ADGRL4: variants seen among roughly 807,000 people sequenced by gnomAD.
ADGRL4 encodes EGF, latrophilin and seven transmembrane domain containing 1.
A neutral mutation model predicts 74.8 loss-of-function variants in ADGRL4; 90 were observed. That is an observed-to-expected ratio of 1.20 (90% CI 1.02 to 1.43). ADGRL4 has a LOEUF of 1.43. Ranked by LOEUF, ADGRL4 falls within the 40% of genes most tolerant of loss-of-function variation. The pLI is 0.00. For missense variants in ADGRL4, 881 were observed against 814.3 expected, an observed-to-expected ratio of 1.08 and a Z score of -1.00; for synonymous variants, 311 against 279.2, an observed-to-expected ratio of 1.11 and a Z score of -1.14.
Position 78,927,024 on chromosome 1 carries a change from G to GC in ADGRL4, c.944_945insG (p.Phe315LeufsTer9). On this transcript the variant is annotated frameshift_variant, in exon 8 of 15. Transcript: ENST00000370742. LOFTEE classifies it high-confidence loss of function. ...TATCATAATTTTGAGGTTTCAATAA[G>GC]AAGTTGTCAGATGATGAAAGCAAAG... 6.2e-7 allele frequency: 1 copy of GC among 1,610,228 alleles called. No individual in the cohort carries two copies. Among genetic ancestry groups the GC allele is most frequent in the Non-Finnish European group, 8.5e-7 (1 of 1,177,394 alleles).
At chr1:79,001,421 A>AG in intron 2 of ADGRL4, among the ~76,000 whole-genome samples, 1 of 151,268 alleles carries the variant, frequency 6.6e-6, no homozygotes, top group African/African-American at 2.4e-5. Flanking sequence ...GCTTAAGACA[A>AG]AAAAGAAAGA....
rs77039476 is a variant in ADGRL4, at chr1:79,004,267, TTCTCTC to T, written c.172+797_172+802del. ...AACTAATTTGTATGACCTAGTACTT[TTCTCTC>T]TCTCTCTCTCTCTTCTACACAGGAC... On this transcript the variant is annotated intron_variant, in intron 2 of 14. Transcript: ENST00000370742. 8.0e-5 allele frequency among the ~76,000 whole-genome samples: 12 copies of T among 150,446 alleles called. No individual in the cohort carries two copies. In the South Asian group the frequency reaches 2.5e-3, roughly 32 times the overall value.
chr1:78,989,738 A>G (rs939067989), intron 2 of ADGRL4, among the ~76,000 whole-genome samples: 4 of 151,944 alleles, frequency 2.6e-5, no homozygotes, highest in Admixed American at 2.6e-4. Context: ...ATCAAAAACA[A>G]TTTTGTCAAA....
rs183719749 is a variant in ADGRL4, at chr1:78,933,568, A to C, written c.877+2727T>G. 2.8e-4 allele frequency among the ~76,000 whole-genome samples: 43 copies of C among 151,528 alleles called. No individual in the cohort carries two copies. In the East Asian group the frequency reaches 6.9e-3, roughly 24 times the overall value. On this transcript the variant is annotated intron_variant, in intron 7 of 14. Transcript: ENST00000370742. ...CACTCTTATTCAATGTAGTATTGGG[A>C]GTTCTGGCCAGGGCAATCAGGCAAG...
intron 2 of ADGRL4, among the ~76,000 whole-genome samples, chr1:78,959,623 G>C (rs866695280): frequency 1.3e-5 from 2 of 152,116 alleles, no homozygotes; most frequent in African/African-American, 4.8e-5. Flanking sequence ...TCATAATCTT[G>C]TTTTCTTTTT....
intron 7 of ADGRL4, among the ~76,000 whole-genome samples, chr1:78,931,154 G>A (rs1649233694): frequency 1.3e-5 from 2 of 151,062 alleles, no homozygotes; most frequent in African/African-American, 4.9e-5. Flanking sequence ...CCAAAATTAA[G>A]GAAAAAATGT....
intron 2 of ADGRL4, among the ~76,000 whole-genome samples, chr1:78,969,979 G>A (rs2100716425): frequency 6.6e-6 from 1 of 152,204 alleles, no homozygotes; most frequent in East Asian, 1.9e-4. Context: ...CTCACCACTT[G>A]GAGGTTTCCT....
chr1:78,926,390 G>A (rs573157860), intron 8 of ADGRL4, among the ~76,000 whole-genome samples: 17 of 152,078 alleles, frequency 1.1e-4, no homozygotes, highest in Admixed American at 6.6e-4. Context: ...TCTGAAAAAT[G>A]ATTTAGAATA....
chr1:78,961,670 G>GCAGGACAT (rs1308096412), intron 2 of ADGRL4, among the ~76,000 whole-genome samples: 1 of 152,092 alleles, frequency 6.6e-6, no homozygotes, highest in African/African-American at 2.4e-5. Flanking sequence ...CAGTCTTGCA[G>GCAGGACAT]CAGGACATCA....
Position 79,001,154 on chromosome 1 carries a change from AGAAG to A in ADGRL4, c.172+3912_172+3915del, listed in dbSNP as rs796668127. Among the ~76,000 whole-genome samples the A allele has an allele frequency of 5.7e-3, 549 of 96,080 alleles. 6 individuals are homozygous for A. Among genetic ancestry groups the A allele is most frequent in the African/African-American group, 0.022 (515 of 23,454 alleles). The allele number at this position is 96,080 out of a possible 152,430, so 63.0% of individuals were successfully genotyped here. ...AAGGAAGGGAAGGAGGAAGGAAGAC[AGAAG>A]GAAGGAAGGAAGGGAGAGGGGGGGG... On this transcript the variant is annotated intron_variant, in intron 2 of 14. Transcript: ENST00000370742.
Position 78,891,623 on chromosome 1 carries a change from A to G in ADGRL4, c.1911T>C (p.His637=), listed in dbSNP as rs2100647215. 1.9e-6 allele frequency: 3 copies of G among 1,613,502 alleles called. No homozygotes were observed. Among genetic ancestry groups the G allele is most frequent in the South Asian group, 1.1e-5 (1 of 91,054 alleles). ...CTGTAACCACTGATGCGTGCACAAC[A>G]TGGAGAACCCCAAAGATCCAGGTGG... ...LGTTWIFGVL[H]VVHASVVTAY... is the part of the protein sequence containing the mutation. Residue 637 remains histidine (H), a synonymous_variant, in exon 14 of 15, where the codon CAT becomes CAC. Transcript: ENST00000370742.
chr1:78,967,918 C>CA (rs1422753985), intron 2 of ADGRL4, among the ~76,000 whole-genome samples: 1 of 148,366 alleles, frequency 6.7e-6, no homozygotes, highest in Non-Finnish European at 1.5e-5. Context: ...ACAGCCTTCC[C>CA]AAAATCAAAC....
rs1457296027 is a variant in ADGRL4, at chr1:78,956,482, TG to T, written c.173-10057del. On this transcript the variant is annotated intron_variant, in intron 2 of 14. Transcript: ENST00000370742. ...TCTTGCCATCATACTGATTAGTATG[TG>T]AAAAACAGTATTTGTCTAGTGTTCA... is the stretch of plus-strand genomic sequence containing the variant. 7.9e-5 allele frequency among the ~76,000 whole-genome samples: 12 copies of T among 152,308 alleles called. No homozygotes were observed. In the South Asian group the frequency reaches 2.1e-3, roughly 26 times the overall value.
At chr1:78,896,065 C>G (rs1007836686) in intron 12 of ADGRL4, among the ~76,000 whole-genome samples, 4 of 151,858 alleles carry the variant, frequency 2.6e-5, no homozygotes, top group Admixed American at 1.3e-4. Flanking sequence ...AATCATTGAA[C>G]CTATTTATGT....
At chr1:78,945,836 T>A (rs1243539301) in intron 3 of ADGRL4, among the ~76,000 whole-genome samples, 3 of 152,158 alleles carry the variant, frequency 2.0e-5, no homozygotes, top group Non-Finnish European at 2.9e-5. Flanking sequence ...CTAGAACAAT[T>A]ATTTTATAAA....
At chr1:78,985,855 C>T (rs377475237) in intron 2 of ADGRL4, among the ~76,000 whole-genome samples, 101 of 151,690 alleles carry the variant, frequency 6.7e-4, no homozygotes, top group African/African-American at 2.1e-3. Context: ...TTAAAAAGGA[C>T]GAGATAATGT....
chr1:78,964,614 C>A (rs2100711323), intron 2 of ADGRL4, among the ~76,000 whole-genome samples: 1 of 152,198 alleles, frequency 6.6e-6, no homozygotes, highest in East Asian at 1.9e-4. Context: ...CATTTAAGTT[C>A]TTTCCTTCTA....
intron 2 of ADGRL4, among the ~76,000 whole-genome samples, chr1:79,000,722 T>C (rs1201588073): frequency 6.6e-6 from 1 of 152,212 alleles, no homozygotes; most frequent in African/African-American, 2.4e-5. Flanking sequence ...TTTATTTATT[T>C]GAATGAAGTT....
At chr1:78,956,135 T>C (rs562874366) in intron 2 of ADGRL4, among the ~76,000 whole-genome samples, 1 of 152,308 alleles carries the variant, frequency 6.6e-6, no homozygotes, top group East Asian at 1.9e-4. Context: ...TAGTTATTAG[T>C]TATTGCATTT....
Sources: allele counts gnomAD v4.1 joint callset (sites outside exome capture counted in the v4.1 genomes callset), GRCh38; gene constraint gnomAD v4.1.1; transcripts MANE v1.5; gene names NCBI Gene and HGNC (gene_info 2026-07-23, HGNC 2026-07-21).